The following ZNF536 variants were observed in gnomAD, a reference collection of about 807,000 sequenced individuals.
The protein encoded by ZNF536 is zinc finger protein 536.
In ZNF536, 13 loss-of-function variants were observed where a neutral mutation model predicts 84.5. The ratio of observed to expected loss-of-function variants is 0.15; its 90% CI spans 0.10 to 0.24. ZNF536 has a LOEUF of 0.24. Among genes scored for constraint, ZNF536 ranks in the 10% least tolerant of loss-of-function variants. The pLI is 1.00. For missense variants in ZNF536, 1,536 were observed against 1,747.5 expected (o/e 0.88, Z 2.16); for synonymous variants, 811 against 742.5 (o/e 1.09, Z -1.50).
At chr19:30,248,224 CTTTT>C (rs58799737) in intron 1 of ZNF536, among the ~76,000 whole-genome samples, 4 of 130,994 alleles carry the variant, frequency 3.1e-5, no homozygotes, top group Non-Finnish European at 4.8e-5. Flanking sequence ...TCTTTTCTTT[CTTTT>C]TTTTTTTTTT....
At chr19:30,417,116 G>T (rs576691871) in intron 1 of ZNF536, among the ~76,000 whole-genome samples, 2 of 150,156 alleles carry the variant, frequency 1.3e-5, no homozygotes, top group South Asian at 4.2e-4. Flanking sequence ...TGGGATTACA[G>T]GTGCATGCCA....
chr19:30,507,365 A>G (rs2055218229), intron 2 of ZNF536, among the ~76,000 whole-genome samples: 2 of 152,204 alleles, frequency 1.3e-5, no homozygotes, highest in African/African-American at 4.8e-5. Context: ...AAAAACCAAA[A>G]AACAAAAAAC....
At chr19:30,240,746 T>G (rs536652312) in intron 1 of ZNF536, among the ~76,000 whole-genome samples, 231 of 152,294 alleles carry the variant, frequency 1.5e-3, no homozygotes, top group Non-Finnish European at 2.8e-3. Flanking sequence ...GGGTATGAGG[T>G]ACTTAGGCCT....
chr19:30,501,845 T>C (rs1047187126), intron 2 of ZNF536, among the ~76,000 whole-genome samples: 1 of 152,238 alleles, frequency 6.6e-6, no homozygotes, highest in Non-Finnish European at 1.5e-5. Flanking sequence ...ACCTTGGCGA[T>C]GACCTTGAGC....
At chr19:30,401,412 G>A (rs773553483) in intron 1 of ZNF536, among the ~76,000 whole-genome samples, 2 of 152,102 alleles carry the variant, frequency 1.3e-5, no homozygotes, top group African/African-American at 2.4e-5. Flanking sequence ...CAGTACCTCT[G>A]GCCTCCACCA....
chr19:30,430,503 C>T (rs1211639497), intron 1 of ZNF536, among the ~76,000 whole-genome samples: 1 of 152,064 alleles, frequency 6.6e-6, no homozygotes, highest in Non-Finnish European at 1.5e-5. Context: ...GCCAAGATAC[C>T]GTGGAGATAG....
intron 1 of ZNF536, among the ~76,000 whole-genome samples, chr19:30,381,058 TG>T (rs1225496343): frequency 3.3e-5 from 5 of 152,030 alleles, no homozygotes; most frequent in African/African-American, 1.2e-4. Context: ...AAAATTTTTT[TG>T]TAGAGACAGG....
intron 2 of ZNF536, among the ~76,000 whole-genome samples, chr19:30,450,694 A>C (rs1004359327): frequency 1.4e-4 from 21 of 152,346 alleles, no homozygotes; most frequent in African/African-American, 4.8e-4. Context: ...GAAATTAGTC[A>C]ATTTGGGGAT....
intron 1 of ZNF536, among the ~76,000 whole-genome samples, chr19:30,708,120 G>A (rs1600349139): frequency 6.6e-6 from 1 of 152,290 alleles, no homozygotes. Flanking sequence ...CAGGCACTGG[G>A]CTTGGCATTC....
At chr19:30,458,094 G>A (rs140028174) in intron 2 of ZNF536, among the ~76,000 whole-genome samples, 196 of 152,196 alleles carry the variant, frequency 1.3e-3, no homozygotes, top group Non-Finnish European at 2.4e-3. Context: ...TCACGTTAAA[G>A]GAAAGGCTGA....
rs1470244284 is a variant in ZNF536, at chr19:30,228,929, G to A, written c.-190+256G>A. ...CACGCGTGTACCTGTGGCGAGACTC[G>A]GGAGGCGATCTTGGGGGGCGCGCGG... is the stretch of plus-strand genomic sequence containing the variant. On this transcript the variant is annotated intron_variant, in intron 1 of 5. Coordinates refer to the ZNF536 transcript ENST00000585628. This position sits in a 1 kb window ranked among gnomAD's most constrained non-coding sequence, Gnocchi z 4.5. Among the ~76,000 whole-genome samples, 11 of 151,742 alleles carry A rather than the reference G, an allele frequency of 7.2e-5. 2 individuals are homozygous for A. The East Asian group carries it at 2.1e-3, about 30-fold the overall frequency.
At chr19:30,609,561 A>T (rs188083058) in intron 1 of ZNF536, among the ~76,000 whole-genome samples, 1 of 152,198 alleles carries the variant, frequency 6.6e-6, no homozygotes, top group South Asian at 2.1e-4. Flanking sequence ...TGGTAAAGAA[A>T]AGTGTTTTCT....
chr19:30,690,678 C>T (rs940626410), intron 1 of ZNF536, among the ~76,000 whole-genome samples: 4 of 152,046 alleles, frequency 2.6e-5, no homozygotes, highest in Non-Finnish European at 5.9e-5. Flanking sequence ...GGTTTCATAC[C>T]CAGCTGCCCC....
chr19:30,631,587 T>G (rs1282528759), intron 1 of ZNF536, among the ~76,000 whole-genome samples: 1 of 152,128 alleles, frequency 6.6e-6, no homozygotes, highest in Admixed American at 6.5e-5. Context: ...GCCTCCACCA[T>G]TACTTAGGAA....
chr19:30,499,646 A>G (rs575529776), intron 2 of ZNF536, among the ~76,000 whole-genome samples: 6 of 152,362 alleles, frequency 3.9e-5, no homozygotes, highest in African/African-American at 9.6e-5. Context: ...GTATTTACAC[A>G]TGAAGTGTCT....
chr19:30,530,044 C>T (rs1175394457), intron 2 of ZNF536, among the ~76,000 whole-genome samples: 1 of 152,196 alleles, frequency 6.6e-6, no homozygotes, highest in Non-Finnish European at 1.5e-5. Context: ...TCCCCGCCTG[C>T]AGCCAAAGGT....
intron 2 of ZNF536, among the ~76,000 whole-genome samples, chr19:30,521,255 TGAG>T (rs1412443711): frequency 2.0e-5 from 3 of 152,200 alleles, no homozygotes; most frequent in Non-Finnish European, 4.4e-5. Flanking sequence ...CTCCCTGTGT[TGAG>T]GAGGATTGGG....
downstream of ZNF536, among the ~76,000 whole-genome samples, chr19:30,559,905 G>C (rs909005732): frequency 6.6e-6 from 1 of 152,096 alleles, no homozygotes; most frequent in African/African-American, 2.4e-5. Flanking sequence ...TTCCTGAGTT[G>C]CTCCCCGGTG....
chr19:30,627,780 C>T (rs2048741546), intron 1 of ZNF536, among the ~76,000 whole-genome samples: 1 of 152,204 alleles, frequency 6.6e-6, no homozygotes, highest in Admixed American at 6.5e-5. Context: ...CATTGTCCTG[C>T]CTCTAGGGGT....
Sources: gnomAD v4.1 joint callset for allele counts (sites outside exome capture counted in the v4.1 genomes callset) on GRCh38, gnomAD v4.1.1 for gene constraint, Gnocchi (gnomAD v3.1) non-coding constraint, MANE v1.5 for transcripts, NCBI Gene and HGNC (gene_info 2026-07-23, HGNC 2026-07-21) for gene names.